RALGAPA1: variants seen among roughly 807,000 people sequenced by gnomAD.
RALGAPA1 encodes Ral GTPase activating protein catalytic subunit alpha 1.
Under a neutral mutation model 269.6 loss-of-function variants are expected in RALGAPA1, and 52 were observed. The ratio of observed to expected loss-of-function variants is 0.19; its 90% CI spans 0.15 to 0.24. RALGAPA1 has a LOEUF of 0.24. Among genes scored for constraint, RALGAPA1 ranks in the 10% least tolerant of loss-of-function variants. The pLI is 1.00. For missense variants in RALGAPA1, 1,917 were observed against 3,013.9 expected, an observed-to-expected ratio of 0.64 and a Z score of 8.52; for synonymous variants, 817 against 1,008.3, an observed-to-expected ratio of 0.81 and a Z score of 3.60.
chr14:35,624,328 C>T (rs1267204037), intron 35 of RALGAPA1, among the ~76,000 whole-genome samples: 1 of 150,396 alleles, frequency 6.6e-6, no homozygotes, highest in East Asian at 1.9e-4. Flanking sequence ...AAAACAACAA[C>T]CAAAACCAGT....
chr14:35,806,645 T>C (rs1189730354), intron 1 of RALGAPA1, among the ~76,000 whole-genome samples: 2 of 152,150 alleles, frequency 1.3e-5, no homozygotes, highest in African/African-American at 2.4e-5. Context: ...GAATGGCAGT[T>C]CTGTTTGGTC....
At chr14:35,620,548 A>G (rs1458761652) in intron 35 of RALGAPA1, among the ~76,000 whole-genome samples, 1 of 152,152 alleles carries the variant, frequency 6.6e-6, no homozygotes, top group Admixed American at 6.5e-5. Context: ...AGGGTATTCA[A>G]TTAGGAAATG....
At chr14:35,774,250 A>T (rs990781475) in intron 3 of RALGAPA1, among the ~76,000 whole-genome samples, 4 of 152,174 alleles carry the variant, frequency 2.6e-5, no homozygotes, top group African/African-American at 9.7e-5. Context: ...ACCAGACAGA[A>T]TAGCTCAATC....
chr14:35,802,831 A>C (rs933526449), intron 1 of RALGAPA1, among the ~76,000 whole-genome samples: 2 of 151,900 alleles, frequency 1.3e-5, no homozygotes, highest in African/African-American at 4.8e-5. Flanking sequence ...CCAGGCACAC[A>C]CTACCATGCC....
At chr14:35,762,821 G>C in intron 4 of RALGAPA1, 68 bp from the exon 5 acceptor site, 2 of 971,078 alleles carry the variant, frequency 2.1e-6, no homozygotes, top group South Asian at 1.3e-5. Flanking sequence ...TTCTCGGTCG[G>C]ACTTGAAAAC....
chr14:35,571,675 G>A lies in RALGAPA1; in HGVS notation c.7368+885C>T, dbSNP rs764355716. Among the ~76,000 whole-genome samples, 16 of 152,018 alleles carry A rather than the reference G, an allele frequency of 1.1e-4. No homozygotes were observed. In the East Asian group the frequency reaches 1.2e-3, roughly 11 times the overall value. On this transcript the variant is annotated intron_variant, in intron 38 of 41. Coordinates refer to ENST00000680220, the MANE Select transcript of RALGAPA1 (RefSeq NM_001346249.2). ...GGTGACAGAGCGAGAGCCAGACTCC[G>A]TCTCAAAAAAACCAAAAACCAAAAC...
chr14:35,793,473 A>G (rs554685512), intron 1 of RALGAPA1, among the ~76,000 whole-genome samples: 1 of 152,110 alleles, frequency 6.6e-6, no homozygotes, highest in South Asian at 2.1e-4. Context: ...ACCTCAGCTG[A>G]TCCACCCACC....
chr14:35,761,634 G>A (rs1478657425), intron 5 of RALGAPA1, among the ~76,000 whole-genome samples: 3 of 152,090 alleles, frequency 2.0e-5, no homozygotes, highest in Non-Finnish European at 4.4e-5. Flanking sequence ...ACAATACCCT[G>A]TACACAGAAG....
chr14:35,640,345 C>T (rs1043287801), intron 31 of RALGAPA1, among the ~76,000 whole-genome samples: 1 of 151,544 alleles, frequency 6.6e-6, no homozygotes, highest in Non-Finnish European at 1.5e-5. Flanking sequence ...ATTGACAAAC[C>T]TTTGGCCACT....
intron 12 of RALGAPA1, among the ~76,000 whole-genome samples, chr14:35,734,480 C>G (rs1181720146): frequency 6.6e-6 from 1 of 152,092 alleles, no homozygotes; most frequent in Non-Finnish European, 1.5e-5. Flanking sequence ...ATAAATGGTG[C>G]TGGGATGATA....
chr14:35,638,388 T>A (rs1324101731), intron 31 of RALGAPA1, among the ~76,000 whole-genome samples: 1 of 152,200 alleles, frequency 6.6e-6, no homozygotes, highest in Non-Finnish European at 1.5e-5. Context: ...GCAGTCAGTG[T>A]CAAGTTGGCA....
rs551071596 is a variant in RALGAPA1, at chr14:35,545,884, G to A, written c.*23+2624C>T. 6.6e-5 allele frequency among the ~76,000 whole-genome samples: 10 copies of A among 152,132 alleles called. No individual in the cohort carries two copies. In the East Asian group the frequency reaches 1.9e-3, roughly 29 times the overall value. ...AGAAGAGCAGTAATTTCATTTTAAA[G>A]TTTATAATTAAAGGAGAGGTATTTG... On this transcript the variant is annotated intron_variant, in intron 41 of 41. Transcript: ENST00000680220.
intron 39 of RALGAPA1, among the ~76,000 whole-genome samples, chr14:35,559,732 T>C (rs939869534): frequency 6.6e-6 from 1 of 152,210 alleles, no homozygotes; most frequent in African/African-American, 2.4e-5. Context: ...TTTGGTATTT[T>C]TGTCGTTGTT....
intron 18 of RALGAPA1, among the ~76,000 whole-genome samples, chr14:35,687,577 A>G (rs1051963609): frequency 2.6e-5 from 4 of 152,234 alleles, no homozygotes; most frequent in Non-Finnish European, 1.5e-5. Flanking sequence ...CATGCTAACA[A>G]AACCATGTTA....
intron 33 of RALGAPA1, among the ~76,000 whole-genome samples, chr14:35,632,118 G>T (rs2061394832): frequency 6.6e-6 from 1 of 152,062 alleles, no homozygotes; most frequent in African/African-American, 2.4e-5. Flanking sequence ...ATATATGTCT[G>T]TATATAAAAG....
Position 35,671,518 on chromosome 14 carries a change from C to T in RALGAPA1, c.5074-1G>A, listed in dbSNP as rs1288568863. ...GTTTGATGATTGTATTGACAATATC[C>T]TTAGAATAAGGAAAGAAGGAAAAAA... On this transcript the variant is annotated splice_acceptor_variant, in intron 25 of 41. Coordinates refer to ENST00000680220, the MANE Select transcript of RALGAPA1 (RefSeq NM_001346249.2). LOFTEE classifies it high-confidence loss of function. 1 of 1,531,236 alleles carries T rather than the reference C, an allele frequency of 6.5e-7. No homozygotes were observed. The allele number at this position is 1,531,236 out of a possible 1,614,324, so 94.9% of individuals were successfully genotyped here.
rs33989714 is a variant in RALGAPA1 at position 35,629,282 on chromosome 14, G to GGTGTGTGTGTGT, written c.5996-1343_5996-1332dup. On this transcript the variant is annotated intron_variant, in intron 33 of 41. Coordinates refer to ENST00000680220, the MANE Select transcript of RALGAPA1 (RefSeq NM_001346249.2). The stretch of plus-strand genomic sequence containing the variant: ...GTCATTCATGTTAGGATGTTTAGGG[G>GGTGTGTGTGTGT]GTGTGTGTGTGTGTGTGTGTGTGTG... Among the ~76,000 whole-genome samples the GGTGTGTGTGTGT allele has an allele frequency of 5.5e-5, 8 of 145,386 alleles. No homozygotes were observed. In the South Asian group the frequency reaches 1.6e-3, roughly 30 times the overall value.
intron 32 of RALGAPA1, among the ~76,000 whole-genome samples, chr14:35,635,096 A>G (rs1181250058): frequency 2.0e-5 from 3 of 152,058 alleles, no homozygotes; most frequent in African/African-American, 4.8e-5. Context: ...GCTTGAATCC[A>G]GGAGACGGAG....
In RALGAPA1 at chr14:35,688,934, C is replaced by T. The variant is rs903731269; in HGVS notation, c.3477G>A (p.Glu1159=). The T allele has an allele frequency of 1.6e-6, 2 of 1,248,476 alleles. No individual in the cohort carries two copies. Among genetic ancestry groups the T allele is most frequent in the African/African-American group, 3.1e-5 (2 of 65,032 alleles). 77.3% of individuals were successfully genotyped at this position (1,248,476 alleles called of 1,614,324 possible). Residue 1159 remains glutamate, a synonymous_variant, in exon 18 of 42, where the codon GAG becomes GAA. Coordinates refer to ENST00000680220, the MANE Select transcript of RALGAPA1 (RefSeq NM_001346249.2). ...SVHVTFRPST[E]SVQFYNPLEN... is the part of the protein sequence containing the mutation. ...CCAGAGGATTATAAAACTGAACGGA[C>T]TCAGTGGATGGCCTAAAAGTAACAT... is the stretch of plus-strand genomic sequence containing the variant.
Sources: allele counts gnomAD v4.1 joint callset (sites outside exome capture counted in the v4.1 genomes callset), GRCh38; gene constraint gnomAD v4.1.1; transcripts MANE v1.5; gene names NCBI Gene and HGNC (gene_info 2026-07-23, HGNC 2026-07-21).